COL4A4: variants seen among roughly 807,000 people sequenced by gnomAD.
COL4A4 encodes the protein collagen type IV alpha 4 chain, also known as collagen alpha-4(IV) chain.
In COL4A4, 105 loss-of-function variants were observed where a neutral mutation model predicts 192.9. That is an observed-to-expected ratio of 0.54 (90% CI 0.46 to 0.64). The LOEUF (loss-of-function observed/expected upper bound fraction) is 0.64, where lower values mean the gene tolerates loss of function less well. Among genes scored for constraint, COL4A4 ranks in the 30% least tolerant of loss-of-function variants. The pLI is 0.00. For missense variants in COL4A4, 1,967 were observed against 2,169.3 expected, an observed-to-expected ratio of 0.91 and a Z score of 1.85; for synonymous variants, 762 against 769.9, an observed-to-expected ratio of 0.99 and a Z score of 0.17.
the COL4A4 span, among the ~76,000 whole-genome samples, chr2:226,967,895 A>G: frequency 6.6e-6 from 1 of 152,122 alleles, no homozygotes; most frequent in Admixed American, 6.6e-5. Flanking sequence ...GTCCTGTACA[A>G]TGAAGAGAAA....
At chr2:227,041,766 GGAAGGA>G (rs1970981415) in intron 37 of COL4A4, among the ~76,000 whole-genome samples, 3 of 114,390 alleles carry the variant, frequency 2.6e-5, no homozygotes, top group Non-Finnish European at 5.2e-5. Context: ...AAGGAAGGAA[GGAAGGA>G]AGGAAGGAAG....
At chr2:227,101,702 T>C in intron 16 of COL4A4, 145 bp from the exon 17 acceptor site, 1 of 1,089,950 alleles carries the variant, frequency 9.2e-7, no homozygotes, top group Non-Finnish European at 1.4e-6. Flanking sequence ...GACAATCTTG[T>C]GCTTCAATTT....
chr2:227,033,273 G>A, intron 38 of COL4A4, 137 bp downstream of exon 38: 1 of 709,518 alleles, frequency 1.4e-6, no homozygotes, highest in South Asian at 1.5e-5. Context: ...CTCCAATAGT[G>A]TGTCTCTAAC....
intron 4 of COL4A4, among the ~76,000 whole-genome samples, chr2:227,133,817 G>T (rs1022955918): frequency 2.6e-5 from 4 of 151,890 alleles, no homozygotes; most frequent in African/African-American, 9.7e-5. Context: ...CTTGAACCCA[G>T]GAGGCAGAGG....
At chr2:227,055,668 C>T (rs922002558) in intron 30 of COL4A4, among the ~76,000 whole-genome samples, 2 of 152,076 alleles carry the variant, frequency 1.3e-5, no homozygotes, top group Non-Finnish European at 2.9e-5. Context: ...AATGAAAATG[C>T]ACCCTTCCCG....
chr2:227,116,991 C>T (rs2061523302), intron 7 of COL4A4, among the ~76,000 whole-genome samples: 1 of 152,172 alleles, frequency 6.6e-6, no homozygotes, highest in African/African-American at 2.4e-5. Flanking sequence ...CTTCAAATTA[C>T]AGTATATTAA....
chr2:227,010,434 G>A lies in COL4A4; in HGVS notation c.4401C>T (p.Leu1467=), dbSNP rs1963408223. ...GFGPGYLGGF[L]LVLHSQTDQE... ...GGTCCGTCTGACTGTGGAGAACCAGGAGGAAGCCACCGAGGTATCCAGGGC... is the reference window on the plus strand; with the variant it reads ...GGTCCGTCTGACTGTGGAGAACCAGAAGGAAGCCACCGAGGTATCCAGGGC... The change falls in exon 46 of 48, where the codon CTC becomes CTT. Residue 1467 remains leucine, a synonymous_variant. Transcript: ENST00000396625. The A allele has an allele frequency of 6.2e-7, 1 of 1,613,922 alleles. No individual in the cohort carries two copies. The highest frequency in any genetic ancestry group is 8.5e-7 in the Non-Finnish European group (1 of 1,179,864).
At chr2:226,977,444 A>G in the COL4A4 span, among the ~76,000 whole-genome samples, 2 of 152,210 alleles carry the variant, frequency 1.3e-5, no homozygotes, top group Non-Finnish European at 2.9e-5. Context: ...ATGGTTTTTA[A>G]TAATAAAACA....
At chr2:227,143,344 A>G (rs2063344778) in intron 3 of COL4A4, among the ~76,000 whole-genome samples, 1 of 152,224 alleles carries the variant, frequency 6.6e-6, no homozygotes, top group Non-Finnish European at 1.5e-5. Flanking sequence ...CGTATGACAA[A>G]TTCCAAAAAG....
chr2:227,108,537 A>C, intron 12 of COL4A4, 44 bp downstream of exon 12: 1 of 1,591,080 alleles, frequency 6.3e-7, no homozygotes, highest in Non-Finnish European at 8.6e-7. Flanking sequence ...TGAGCAGCAC[A>C]CACACGTCAC....
At chr2:227,139,382 T>C (rs1223611517) in intron 4 of COL4A4, among the ~76,000 whole-genome samples, 1 of 152,176 alleles carries the variant, frequency 6.6e-6, no homozygotes, top group Non-Finnish European at 1.5e-5. Flanking sequence ...ATTGTGGGAG[T>C]AATTGTAATT....
At chr2:227,045,562 G>A (rs1209646399) in intron 35 of COL4A4, among the ~76,000 whole-genome samples, 1 of 151,616 alleles carries the variant, frequency 6.6e-6, no homozygotes, top group Non-Finnish European at 1.5e-5. Context: ...TTGAGGCCAG[G>A]AGTTTGAGAC....
At chr2:227,002,270 C>CCTAA (rs758027451), downstream of COL4A4, among the ~76,000 whole-genome samples, 3 of 151,888 alleles carry the variant, frequency 2.0e-5, no homozygotes, top group African/African-American at 4.8e-5. Flanking sequence ...GTAATCAATA[C>CCTAA]CTAACTAACT....
chr2:227,119,885 G>T lies in COL4A4; in HGVS notation c.372+10C>A. On this transcript the variant is annotated intron_variant, in intron 6 of 47. Transcript: ENST00000396625. ...TTTGAAAAAAGTGGAGAAAATTTAG[G>T]GATACTTACAGGTATGCCATCTAAA... The T allele has an allele frequency of 6.4e-7, 1 of 1,573,668 alleles. No homozygotes were observed. The highest frequency in any genetic ancestry group is 8.6e-7 in the Non-Finnish European group (1 of 1,157,988).
intron 4 of COL4A4, among the ~76,000 whole-genome samples, chr2:227,137,849 T>C (rs949373636): frequency 5.3e-5 from 8 of 152,192 alleles, no homozygotes; most frequent in Admixed American, 1.3e-4. Context: ...CTGAGGTTTT[T>C]TTTCCTTTTT....
In COL4A4 at chr2:227,058,016, C is replaced by CATA. The variant is rs139799161; in HGVS notation, c.2384-419_2384-417dup. Among the ~76,000 whole-genome samples the CATA allele has an allele frequency of 2.1e-3, 326 of 152,338 alleles. 3 individuals are homozygous for CATA. Among genetic ancestry groups the CATA allele is most frequent in the African/African-American group, 7.2e-3 (298 of 41,578 alleles). Reference sequence around the variant, plus strand: ...TTTCTACTCACTAGAAAGACAGGGTCATAATCTTCAGGAAAGAACATCCCC... The same window carrying CATA: ...TTTCTACTCACTAGAAAGACAGGGTCATAATAATCTTCAGGAAAGAACATCCCC... On this transcript the variant is annotated intron_variant, in intron 28 of 47. Coordinates refer to ENST00000396625, the MANE Select transcript of COL4A4 (RefSeq NM_000092.5).
At chr2:227,044,436 TG>T (rs1397099288) in intron 35 of COL4A4, among the ~76,000 whole-genome samples, 1 of 152,104 alleles carries the variant, frequency 6.6e-6, no homozygotes, top group African/African-American at 2.4e-5. Context: ...CAAACCATGC[TG>T]GGGGGGCTAT....
At chr2:227,016,947 C>A (rs1009781518) in intron 44 of COL4A4, among the ~76,000 whole-genome samples, 1 of 152,136 alleles carries the variant, frequency 6.6e-6, no homozygotes, top group African/African-American at 2.4e-5. Context: ...AGAAACCTCT[C>A]CCCGGGGTGG....
chr2:227,054,551 A>G (rs768457299), intron 31 of COL4A4, 43 bp downstream of exon 31: 2 of 1,611,742 alleles, frequency 1.2e-6, no homozygotes. Context: ...TTTGGATCAA[A>G]TACCAGAAAC....
Sources: gnomAD v4.1 joint callset for allele counts (sites outside exome capture counted in the v4.1 genomes callset) on GRCh38, gnomAD v4.1.1 for gene constraint, MANE v1.5 for transcripts, NCBI Gene and HGNC (gene_info 2026-07-23, HGNC 2026-07-21) for gene names.